The following CEACAM6 variants were observed in gnomAD, a reference collection of about 807,000 sequenced individuals.
The protein encoded by CEACAM6 is cell adhesion molecule CEACAM6.
CEACAM6 carries 21 observed loss-of-function variants against 32.4 expected under a neutral mutation model. The observed-to-expected ratio is 0.65, with a 90% CI of 0.46 to 0.93. The LOEUF is 0.93. Among genes scored for constraint, CEACAM6 ranks in the 40% least tolerant of loss-of-function variants. CEACAM6 has a pLI of 0.00. For synonymous variants in CEACAM6, 184 were observed against 174.4 expected (o/e 1.06, Z -0.43); for missense variants, 406 against 432.2 (o/e 0.94, Z 0.54).
At chr19:41,764,832 A>ATGGG (rs1275580515) in intron 4 of CEACAM6, among the ~76,000 whole-genome samples, 7 of 151,656 alleles carry the variant, frequency 4.6e-5, no homozygotes, top group Non-Finnish European at 1.0e-4. Flanking sequence ...TAGGTTGTTG[A>ATGGG]TTTGAGGTCT....
Position 41,771,219 on chromosome 19 carries a change from C to G in CEACAM6, c.*458C>G, listed in dbSNP as rs1600502926. 1 of 152,186 alleles carries G rather than the reference C, an allele frequency of 6.6e-6. No homozygotes were observed. Among genetic ancestry groups the G allele is most frequent in the African/African-American group, 2.4e-5 (1 of 41,442 alleles). The allele number at this position is 152,186 out of a possible 1,614,324, so 9.4% of individuals were successfully genotyped here. A position where few individuals can be genotyped will look rare whatever the true frequency, so the allele number is the denominator to read the frequency against. On this transcript the variant is annotated 3_prime_UTR_variant, in exon 6 of 6. Transcript: ENST00000199764. ...GTCAGATCTATCTTGTCAATCCCAA[C>G]GTTTTACATAAAATAAGAGATCCTT...
chr19:41,766,583 A>C (rs958567980), intron 5 of CEACAM6, among the ~76,000 whole-genome samples: 2 of 152,162 alleles, frequency 1.3e-5, no homozygotes, highest in Non-Finnish European at 2.9e-5. Flanking sequence ...CACTTTTGTC[A>C]GTCTCTCCAT....
At chr19:41,760,149 A>G (rs1231859648) in intron 2 of CEACAM6, among the ~76,000 whole-genome samples, 1 of 152,132 alleles carries the variant, frequency 6.6e-6, no homozygotes, top group Non-Finnish European at 1.5e-5. Flanking sequence ...GAAAGCGCAC[A>G]CCCATTGACT....
intron 2 of CEACAM6, among the ~76,000 whole-genome samples, chr19:41,759,440 A>T (rs986900745): frequency 6.6e-6 from 1 of 152,154 alleles, no homozygotes; most frequent in Non-Finnish European, 1.5e-5. Context: ...GCTCTTTCTA[A>T]ATTTACTAAC....
In CEACAM6 at chr19:41,771,098, A is replaced by G. The variant is rs1555822943; in HGVS notation, c.*337A>G. ...ATGATAAGGCTCTTACCCCCTTTTA[A>G]TTTGTCCTTGCTTATGCCTGCCTCT... On this transcript the variant is annotated 3_prime_UTR_variant, in exon 6 of 6. Transcript: ENST00000199764. 1 of 152,168 alleles carries G rather than the reference A, an allele frequency of 6.6e-6. No homozygotes were observed. Among genetic ancestry groups the G allele is most frequent in the Non-Finnish European group, 1.5e-5 (1 of 68,028 alleles). 9.4% of individuals were successfully genotyped at this position (152,168 alleles called of 1,614,324 possible). A position where few individuals can be genotyped will look rare whatever the true frequency, so the allele number is the denominator to read the frequency against.
chr19:41,756,723 T>C lies in CEACAM6; in HGVS notation c.188T>C (p.Ile63Thr). ...LLAHNLPQNR[I>T]GYSWYKGERV... ...GCCCACAACCTGCCCCAGAATCGTA[T>C]TGGTTACAGCTGGTACAAAGGCGAA... The change falls in exon 2 of 6, where the codon ATT (isoleucine) becomes ACT (threonine). Residue 63 changes from isoleucine (I) to threonine (T), a missense_variant. Ile to Thr is a moderately conservative substitution (Grantham distance 89, BLOSUM62 -1). Coordinates refer to ENST00000199764, the MANE Select transcript of CEACAM6 (RefSeq NM_002483.7). The C allele has an allele frequency of 6.2e-7, 1 of 1,614,048 alleles. No individual in the cohort carries two copies. The highest frequency in any genetic ancestry group is 8.5e-7 in the Non-Finnish European group (1 of 1,180,018).
Position 41,756,604 on chromosome 19 carries a change from A to C in CEACAM6, c.69A>C (p.Ser23=), listed in dbSNP as rs1555821070. ...VPWKEVLLTA[S]LLTFWNPPTT... is the part of the protein sequence containing the mutation. Reference sequence around the variant, plus strand: ...ATGCTCTCTCCTCTCTCCTAGCCTCACTTCTAACCTTCTGGAACCCACCCA... The same window carrying C: ...ATGCTCTCTCCTCTCTCCTAGCCTCCCTTCTAACCTTCTGGAACCCACCCA... The change falls in exon 2 of 6, where the codon TCA becomes TCC. Residue 23 remains serine (S), a synonymous_variant. Transcript: ENST00000199764. The C allele has an allele frequency of 6.2e-7, 1 of 1,613,374 alleles. No homozygotes were observed. The highest frequency in any genetic ancestry group is 2.2e-5 in the East Asian group (1 of 44,874).
intron 5 of CEACAM6, among the ~76,000 whole-genome samples, chr19:41,769,796 A>T (rs530891033): frequency 6.8e-6 from 1 of 148,008 alleles, no homozygotes; most frequent in South Asian, 2.1e-4. Flanking sequence ...TTAATAATTT[A>T]TTAATATTTA....
intron 5 of CEACAM6, among the ~76,000 whole-genome samples, chr19:41,769,736 A>G (rs2072981461): frequency 2.1e-5 from 1 of 48,714 alleles, no homozygotes; most frequent in Non-Finnish European, 8.1e-5. Context: ...ATTAATATTA[A>G]TTGTTATAAA....
At chr19:41,757,685 C>T (rs1323757847) in intron 2 of CEACAM6, among the ~76,000 whole-genome samples, 1 of 152,138 alleles carries the variant, frequency 6.6e-6, no homozygotes, top group African/African-American at 2.4e-5. Context: ...ATGCTCCTGG[C>T]AGCTCCATGT....
At chr19:41,759,439 A>G (rs527549732) in intron 2 of CEACAM6, among the ~76,000 whole-genome samples, 20 of 152,322 alleles carry the variant, frequency 1.3e-4, no homozygotes, top group Admixed American at 1.3e-3. Flanking sequence ...AGCTCTTTCT[A>G]AATTTACTAA....
intron 5 of CEACAM6, among the ~76,000 whole-genome samples, chr19:41,767,097 T>A (rs10413359): frequency 6.6e-5 from 10 of 151,788 alleles, no homozygotes; most frequent in Non-Finnish European, 1.2e-4. Context: ...CTTCTTACTT[T>A]CTTTCCCTCT....
chr19:41,759,375 A>C (rs1239019570), intron 2 of CEACAM6, among the ~76,000 whole-genome samples: 1 of 152,194 alleles, frequency 6.6e-6, no homozygotes, highest in Non-Finnish European at 1.5e-5. Context: ...ATTTCACATG[A>C]CTGTTTGGGG....
At chr19:41,755,766 T>C in intron 1 of CEACAM6, 64 bp downstream of exon 1, 1 of 1,412,946 alleles carries the variant, frequency 7.1e-7, no homozygotes. Flanking sequence ...TAGGGTCTCC[T>C]GGGGAGGACA....
rs782333496 is a variant in CEACAM6 at position 41,762,197 on chromosome 19, C to T, written c.932C>T (p.Thr311Ile). 1.9e-6 allele frequency: 3 copies of T among 1,613,950 alleles called. No individual in the cohort carries two copies. The highest frequency in any genetic ancestry group is 3.3e-5 in the Admixed American group (2 of 60,006). ...AACTCAGCCACTGGCCTCAATAGGA[C>T]CACAGTCACGATGATCACAGTCTCT... ...AHNSATGLNRTTVTMITVSGS... is the reference protein window; with the variant it reads ...AHNSATGLNRITVTMITVSGS... Residue 311 changes from threonine to isoleucine, a missense_variant, in exon 4 of 6, where the codon ACC (threonine) becomes ATC (isoleucine). Physicochemically the swap from Thr to Ile is moderately conservative, Grantham distance 89 (BLOSUM62 -1). Transcript: ENST00000199764.
At chr19:41,757,011 C>G in intron 2 of CEACAM6, 52 bp downstream of exon 2, 1 of 1,557,886 alleles carries the variant, frequency 6.4e-7, no homozygotes, top group Non-Finnish European at 8.7e-7. Flanking sequence ...CTACTTCCCA[C>G]ATACGGGATT....
At chr19:41,769,477 A>G (rs143907646) in intron 5 of CEACAM6, among the ~76,000 whole-genome samples, 3 of 152,290 alleles carry the variant, frequency 2.0e-5, no homozygotes, top group African/African-American at 7.2e-5. Context: ...TCATTTCATG[A>G]GACTAAAAGA....
intron 2 of CEACAM6, among the ~76,000 whole-genome samples, chr19:41,759,242 T>C (rs1269495617): frequency 6.6e-6 from 1 of 152,194 alleles, no homozygotes; most frequent in Non-Finnish European, 1.5e-5. Context: ...GCCATTGTCA[T>C]AAGGTGGGGT....
chr19:41,761,906 C>T, intron 3 of CEACAM6, 63 bp from the exon 4 acceptor site: 1 of 1,588,652 alleles, frequency 6.3e-7, no homozygotes, highest in South Asian at 1.1e-5. Flanking sequence ...GGCCCTTCCA[C>T]AGACCAGGAA....
Sources: allele counts gnomAD v4.1 joint callset (sites outside exome capture counted in the v4.1 genomes callset), GRCh38; gene constraint gnomAD v4.1.1; transcripts MANE v1.5; gene names NCBI Gene and HGNC (gene_info 2026-07-23, HGNC 2026-07-21).